SRGAP2: variants seen among roughly 807,000 people sequenced by gnomAD.
SRGAP2 encodes SLIT-ROBO Rho GTPase-activating protein 2.
In SRGAP2, 15 loss-of-function variants were observed where a neutral mutation model predicts 57.2. That is an observed-to-expected ratio of 0.26 (90% CI 0.18 to 0.40). The LOEUF (loss-of-function observed/expected upper bound fraction) is 0.40, where lower values mean the gene tolerates loss of function less well. Ranked by LOEUF, SRGAP2 falls within the 10% of genes least tolerant of loss-of-function variation. The pLI is 1.00. For synonymous variants in SRGAP2, 249 were observed against 248.0 expected (o/e 1.00, Z -0.04); for missense variants, 520 against 669.6 (o/e 0.78, Z 2.47).
chr1:206,278,342 CTTTT>C (rs1327766898), intron 2 of SRGAP2, among the ~76,000 whole-genome samples: 1 of 134,472 alleles, frequency 7.4e-6, no homozygotes, highest in East Asian at 2.1e-4. Flanking sequence ...CTTTCTTCTA[CTTTT>C]TTTTTTTTTT....
intron 17 of SRGAP2, among the ~76,000 whole-genome samples, chr1:206,440,895 T>C (rs1662238254): frequency 6.6e-6 from 1 of 152,068 alleles, no homozygotes; most frequent in Admixed American, 6.5e-5. Context: ...GCCAACTGCT[T>C]TGTGGAGAAG....
At chr1:206,352,731 G>A (rs1219334814) in intron 4 of SRGAP2, among the ~76,000 whole-genome samples, 12 of 147,862 alleles carry the variant, frequency 8.1e-5, no homozygotes, top group African/African-American at 2.4e-4. Flanking sequence ...TTGCCTTCTG[G>A]CCTCCATTAT....
chr1:206,411,009 C>T lies in SRGAP2; in HGVS notation c.1356+4435C>T, dbSNP rs538882525. 1.8e-4 allele frequency among the ~76,000 whole-genome samples: 27 copies of T among 152,320 alleles called. No individual in the cohort carries two copies. In the South Asian group the frequency reaches 5.4e-3, roughly 30 times the overall value. On this transcript the variant is annotated intron_variant, in intron 10 of 22. Transcript: ENST00000573034. Reference sequence around the variant, plus strand: ...CCAAGTAGCTGGGATTGCAGGCACACGCCACCACGCCTGGCTAATTTTTTG... The same window carrying T: ...CCAAGTAGCTGGGATTGCAGGCACATGCCACCACGCCTGGCTAATTTTTTG...
At chr1:206,327,503 CATAATT>C (rs748163222) in intron 3 of SRGAP2, among the ~76,000 whole-genome samples, 7 of 133,190 alleles carry the variant, frequency 5.3e-5, no homozygotes, top group Non-Finnish European at 9.3e-5. Context: ...TGATAGTTGT[CATAATT>C]ATAAGAAAAG....
At position 206,421,700 on chromosome 1, in the gene SRGAP2, G is replaced by A. The variant is rs530169847; in HGVS notation, c.1494+426G>A. ...ATTTTGTTTGATTGTTTCCGGTGGC[G>A]TAGTCATTCTAGATGGACTCCTAAG... is the stretch of plus-strand genomic sequence containing the variant. On this transcript the variant is annotated intron_variant, in intron 13 of 22. Coordinates refer to ENST00000573034, the MANE Select transcript of SRGAP2 (RefSeq NM_015326.5). 8.5e-5 allele frequency among the ~76,000 whole-genome samples: 13 copies of A among 152,256 alleles called. No homozygotes were observed. In the South Asian group the frequency reaches 1.2e-3, roughly 15 times the overall value.
intron 2 of SRGAP2, among the ~76,000 whole-genome samples, chr1:206,239,484 G>C (rs1553308658): frequency 1.3e-5 from 2 of 152,172 alleles, no homozygotes; most frequent in Non-Finnish European, 2.9e-5. Context: ...TTGAGACAGA[G>C]TCTTCCTCTG....
At chr1:206,209,232 C>G (rs1448139515) in intron 2 of SRGAP2, among the ~76,000 whole-genome samples, 1 of 146,340 alleles carries the variant, frequency 6.8e-6, no homozygotes. Context: ...CTTAAACCCT[C>G]TGGACATCAG....
In SRGAP2 at chr1:206,340,701, A is replaced by G. The variant is rs555954626; in HGVS notation, c.261-2145A>G. Among the ~76,000 whole-genome samples, 994 of 147,484 alleles carry G rather than the reference A, an allele frequency of 6.7e-3. 12 individuals are homozygous for G. The highest frequency in any genetic ancestry group is 0.014 in the South Asian group (62 of 4,446). ...ATTTTGTAACTGAAATCTAATTGGA[A>G]TCATTTTGAAAGTTTTCTTGCAATG... On this transcript the variant is annotated intron_variant, in intron 3 of 22. Coordinates refer to ENST00000573034, the MANE Select transcript of SRGAP2 (RefSeq NM_015326.5).
At chr1:206,350,879 G>A in intron 4 of SRGAP2, among the ~76,000 whole-genome samples, 1 of 151,820 alleles carries the variant, frequency 6.6e-6, no homozygotes, top group Non-Finnish European at 1.5e-5. Flanking sequence ...GAATGTAAGA[G>A]GCTCAGTTAA....
chr1:206,419,533 G>C, intron 12 of SRGAP2, 133 bp downstream of exon 12: 1 of 689,298 alleles, frequency 1.5e-6, no homozygotes, highest in South Asian at 1.6e-5. Flanking sequence ...CCTGGGGCGG[G>C]GTTTGTTTAC....
chr1:206,227,082 A>G lies in SRGAP2; in HGVS notation c.67+21045A>G, dbSNP rs561598317. ...TTGGGGAACCTCTTGGGCTCTGTTC[A>G]TGCTTGAAGTATGACTGTGCCAATA... On this transcript the variant is annotated intron_variant, in intron 2 of 22. Coordinates refer to ENST00000573034, the MANE Select transcript of SRGAP2 (RefSeq NM_015326.5). 1.8e-4 allele frequency among the ~76,000 whole-genome samples: 28 copies of G among 152,082 alleles called. No individual in the cohort carries two copies. The East Asian group carries it at 3.3e-3, about 18-fold the overall frequency.
intron 7 of SRGAP2, among the ~76,000 whole-genome samples, chr1:206,401,053 G>A (rs1408716369): frequency 6.6e-6 from 1 of 150,770 alleles, no homozygotes; most frequent in Non-Finnish European, 1.5e-5. Flanking sequence ...GTGGCAGGTT[G>A]TATTTTTATT....
intron 13 of SRGAP2, among the ~76,000 whole-genome samples, chr1:206,423,949 A>ATT (rs782243765): frequency 0.019 from 1,692 of 87,314 alleles, 17 homozygotes; most frequent in African/African-American, 0.032. Context: ...TAATTTATGT[A>ATT]TTTTTTTTTT....
chr1:206,260,403 T>C (rs556808555), intron 2 of SRGAP2, among the ~76,000 whole-genome samples: 3 of 152,296 alleles, frequency 2.0e-5, no homozygotes, highest in Admixed American at 2.0e-4. Context: ...GAAAGGCATA[T>C]ATGTTGACGA....
intron 10 of SRGAP2, among the ~76,000 whole-genome samples, chr1:206,414,935 C>G (rs943326978): frequency 3.3e-5 from 5 of 152,224 alleles, no homozygotes; most frequent in African/African-American, 1.2e-4. Flanking sequence ...TTCTCCTGCT[C>G]TGTACCATGA....
chr1:206,393,438 A>T (rs1553351749), intron 6 of SRGAP2, 107 bp from the exon 7 acceptor site: 1 of 601,848 alleles, frequency 1.7e-6, no homozygotes, highest in African/African-American at 2.0e-5. Context: ...GCGCATAGGG[A>T]GTAGCAACAC....
At chr1:206,410,758 A>G (rs573253115) in intron 10 of SRGAP2, among the ~76,000 whole-genome samples, 1 of 152,322 alleles carries the variant, frequency 6.6e-6, no homozygotes, top group East Asian at 1.9e-4. Context: ...CACTGTATGA[A>G]TGTGCCATCA....
intron 3 of SRGAP2, among the ~76,000 whole-genome samples, chr1:206,342,189 T>C (rs1450727939): frequency 6.6e-6 from 1 of 152,118 alleles, no homozygotes; most frequent in Admixed American, 6.5e-5. Context: ...AGTAACATTT[T>C]AATGGCATAT....
At chr1:206,306,372 G>C (rs1228392943) in intron 3 of SRGAP2, among the ~76,000 whole-genome samples, 2 of 152,196 alleles carry the variant, frequency 1.3e-5, no homozygotes, top group African/African-American at 4.8e-5. Context: ...AAGGCAGCGC[G>C]TCTGGAGTTG....
Sources: allele counts gnomAD v4.1 joint callset (sites outside exome capture counted in the v4.1 genomes callset), GRCh38; gene constraint gnomAD v4.1.1; transcripts MANE v1.5; gene names NCBI Gene and HGNC (gene_info 2026-07-23, HGNC 2026-07-21).